Variants in MAP4K4 observed in about 807,000 individuals in gnomAD.
MAP4K4 encodes the protein HPK/GCK-like kinase HGK.
In MAP4K4, 38 loss-of-function variants were observed where a neutral mutation model predicts 189.6. The ratio of observed to expected loss-of-function variants is 0.20; its 90% CI spans 0.15 to 0.26. The LOEUF (loss-of-function observed/expected upper bound fraction) is 0.26. Ranked by LOEUF, MAP4K4 falls within the 10% of genes least tolerant of loss-of-function variation. The pLI, the probability that MAP4K4 is intolerant of heterozygous loss-of-function variation, is 1.00. For synonymous variants in MAP4K4, 610 were observed against 624.3 expected (o/e 0.98, Z 0.34); for missense variants, 1,054 against 1,726.9 (o/e 0.61, Z 6.91).
At chr2:101,812,463 C>T (rs546816534) in intron 3 of MAP4K4, among the ~76,000 whole-genome samples, 2 of 152,278 alleles carry the variant, frequency 1.3e-5, no homozygotes, top group African/African-American at 4.8e-5. Context: ...AGCACGCGTG[C>T]GTGTCCCTGG....
At chr2:101,886,438 A>G (rs997474605) in intron 29 of MAP4K4, among the ~76,000 whole-genome samples, 1 of 152,108 alleles carries the variant, frequency 6.6e-6, no homozygotes, top group East Asian at 1.9e-4. Context: ...GACTCCTACA[A>G]CTCCTCTCGC....
chr2:101,851,724 CTTTTTTTT>C (rs36217584), intron 12 of MAP4K4, among the ~76,000 whole-genome samples: 9 of 67,902 alleles, frequency 1.3e-4, no homozygotes, highest in African/African-American at 1.9e-4. Context: ...TAACTGTCCT[CTTTTTTTT>C]TTTTTTTTTT....
chr2:101,838,297 T>C (rs971306879), intron 9 of MAP4K4, among the ~76,000 whole-genome samples: 8 of 152,244 alleles, frequency 5.3e-5, no homozygotes, highest in African/African-American at 1.9e-4. Context: ...TTGTGGACAT[T>C]GGGTCTTAGA....
chr2:101,749,826 C>CAACCT (rs1396183214), intron 2 of MAP4K4, among the ~76,000 whole-genome samples: 3 of 133,130 alleles, frequency 2.3e-5, no homozygotes, highest in African/African-American at 1.0e-4. Context: ...AAAAAACAAA[C>CAACCT]AACCCCATCA....
chr2:101,704,092 C>G (rs17025961), intron 2 of MAP4K4, among the ~76,000 whole-genome samples: 1 of 152,128 alleles, frequency 6.6e-6, no homozygotes, highest in Non-Finnish European at 1.5e-5. Flanking sequence ...TAAGTGTTAT[C>G]TTTTAAGTGT....
chr2:101,701,307 C>T (rs1345966670), intron 2 of MAP4K4, among the ~76,000 whole-genome samples: 1 of 152,090 alleles, frequency 6.6e-6, no homozygotes, highest in East Asian at 1.9e-4. Flanking sequence ...GAACGACTCT[C>T]CTGCAAAACT....
intron 3 of MAP4K4, among the ~76,000 whole-genome samples, chr2:101,819,168 G>GT (rs1480185213): frequency 6.6e-6 from 1 of 152,140 alleles, no homozygotes; most frequent in Non-Finnish European, 1.5e-5. Context: ...GTTTTCTGCT[G>GT]TATCTTCCCA....
At chr2:101,756,612 T>A (rs2072943115) in intron 2 of MAP4K4, among the ~76,000 whole-genome samples, 1 of 152,136 alleles carries the variant, frequency 6.6e-6, no homozygotes, top group Non-Finnish European at 1.5e-5. Flanking sequence ...TGGAGTGCTG[T>A]GGCTTGATCA....
chr2:101,887,438 C>A (rs2098504354), intron 30 of MAP4K4, among the ~76,000 whole-genome samples: 1 of 152,172 alleles, frequency 6.6e-6, no homozygotes. Context: ...CTGTGGAGCC[C>A]TTGTGAAAAC....
At chr2:101,728,533 A>G (rs768939879) in intron 2 of MAP4K4, among the ~76,000 whole-genome samples, 30 of 152,102 alleles carry the variant, frequency 2.0e-4, no homozygotes, top group Non-Finnish European at 4.0e-4. Flanking sequence ...TTCTTTTGAG[A>G]TGGAGTCTCG....
chr2:101,811,889 G>A (rs931167216), intron 3 of MAP4K4, among the ~76,000 whole-genome samples: 7 of 152,118 alleles, frequency 4.6e-5, no homozygotes, highest in African/African-American at 7.2e-5. Context: ...TTCCAACATG[G>A]TAATATCCTT....
intron 27 of MAP4K4, among the ~76,000 whole-genome samples, chr2:101,878,275 A>G (rs1231014730): frequency 1.3e-5 from 2 of 152,354 alleles, no homozygotes; most frequent in Admixed American, 1.3e-4. Flanking sequence ...CAAACATAGG[A>G]TAATGGCACC....
intron 2 of MAP4K4, among the ~76,000 whole-genome samples, chr2:101,736,912 A>G (rs543510064): frequency 8.5e-5 from 13 of 152,226 alleles, no homozygotes; most frequent in South Asian, 2.1e-4. Flanking sequence ...GTGTTCATCA[A>G]TCTCCTTCCT....
intron 2 of MAP4K4, among the ~76,000 whole-genome samples, chr2:101,762,618 A>C (rs1376840540): frequency 2.0e-5 from 3 of 152,250 alleles, no homozygotes; most frequent in African/African-American, 7.2e-5. Flanking sequence ...GGGCATGGCC[A>C]TCTAAATGGG....
intron 17 of MAP4K4, 115 bp downstream of exon 17, chr2:101,864,166 A>G: frequency 2.2e-6 from 1 of 463,164 alleles, no homozygotes; most frequent in South Asian, 2.6e-5. Flanking sequence ...GGGGCATTGA[A>G]ATTTCAAAGG....
intron 7 of MAP4K4, among the ~76,000 whole-genome samples, chr2:101,834,175 C>T (rs955219179): frequency 1.4e-5 from 2 of 138,546 alleles, no homozygotes; most frequent in South Asian, 5.1e-4. Flanking sequence ...CCTTTCCTTC[C>T]CTCCCTTCCC....
At position 101,792,720 on chromosome 2, in the gene MAP4K4, C is replaced by G. The variant is rs185914700; in HGVS notation, c.180+1944C>G. On this transcript the variant is annotated intron_variant, in intron 3 of 32. Coordinates refer to ENST00000324219, the Ensembl canonical transcript of MAP4K4. Reference sequence around the variant, plus strand: ...GTGCAATCTCTGCTCATTGCAACCTCCACCTCCTGGGTTCAAGCAATTTTC... The same window carrying G: ...GTGCAATCTCTGCTCATTGCAACCTGCACCTCCTGGGTTCAAGCAATTTTC... Among the ~76,000 whole-genome samples the G allele has an allele frequency of 1.6e-3, 241 of 151,990 alleles. 2 individuals are homozygous for G. The highest frequency in any genetic ancestry group is 5.5e-3 in the African/African-American group (228 of 41,360).
At chr2:101,708,905 A>G (rs921821303) in intron 2 of MAP4K4, among the ~76,000 whole-genome samples, 3 of 152,196 alleles carry the variant, frequency 2.0e-5, no homozygotes, top group Admixed American at 6.5e-5. Flanking sequence ...TCGACCATGT[A>G]GCAGTGTGGT....
intron 29 of MAP4K4, 51 bp from the exon 30 acceptor site, chr2:101,887,037 A>T: frequency 7.3e-7 from 1 of 1,365,170 alleles, no homozygotes; most frequent in Non-Finnish European, 9.7e-7. Flanking sequence ...AAAAAAAAAA[A>T]AAAAAAATGT....
Sources: gnomAD v4.1 joint callset for allele counts (sites outside exome capture counted in the v4.1 genomes callset) on GRCh38, gnomAD v4.1.1 for gene constraint, MANE v1.5 for transcripts, NCBI Gene and HGNC (gene_info 2026-07-23, HGNC 2026-07-21) for gene names.